Variants in LMO7 observed in about 807,000 individuals in gnomAD.
LMO7 encodes LIM domain 7, also known as LIM domain only protein 7.
A neutral mutation model predicts 206.5 loss-of-function variants in LMO7; 120 were observed. That is an observed-to-expected ratio of 0.58 (90% CI 0.50 to 0.68). The LOEUF is 0.68. Ranked by LOEUF, LMO7 falls within the 30% of genes least tolerant of loss-of-function variation. The pLI is 0.00. For synonymous variants in LMO7, 706 were observed against 681.5 expected (o/e 1.04, Z -0.56); for missense variants, 1,959 against 1,957.9 (o/e 1.00, Z -0.01).
chr13:75,720,215 G>A (rs934705597), intron 2 of LMO7, among the ~76,000 whole-genome samples: 1 of 152,010 alleles, frequency 6.6e-6, no homozygotes, highest in African/African-American at 2.4e-5. Context: ...AGAGTTCCTT[G>A]TATATTTTAG....
chr13:75,632,042 T>G (rs540679732), upstream of LMO7: 2 of 152,346 alleles, frequency 1.3e-5, no homozygotes, highest in Admixed American at 1.3e-4. Flanking sequence ...TCATCAGTAA[T>G]GCATCAATAC....
intron 1 of LMO7, among the ~76,000 whole-genome samples, chr13:75,673,841 G>T (rs903423900): frequency 2.6e-5 from 4 of 152,268 alleles, no homozygotes; most frequent in South Asian, 4.1e-4. Flanking sequence ...TCATAATCTT[G>T]TAACTGTTAC....
chr13:75,827,713 A>T (rs771145351), intron 15 of LMO7, among the ~76,000 whole-genome samples: 4 of 151,822 alleles, frequency 2.6e-5, no homozygotes, highest in Non-Finnish European at 5.9e-5. Context: ...GGTCTTGCCT[A>T]CAGGTTTCTG....
chr13:75,632,701 G>A (rs574249614), upstream of LMO7, among the ~76,000 whole-genome samples: 3 of 152,164 alleles, frequency 2.0e-5, no homozygotes. Context: ...TTTAAATAGT[G>A]TAATGTATGT....
chr13:75,816,262 C>T (rs1166572811), intron 11 of LMO7, among the ~76,000 whole-genome samples: 1 of 152,220 alleles, frequency 6.6e-6, no homozygotes, highest in South Asian at 2.1e-4. Flanking sequence ...TGTACAGTTA[C>T]TTAAAGTCAG....
At chr13:75,763,860 G>A (rs1296410750) in intron 4 of LMO7, among the ~76,000 whole-genome samples, 1 of 152,094 alleles carries the variant, frequency 6.6e-6, no homozygotes, top group African/African-American at 2.4e-5. Flanking sequence ...CAAGTAAAGA[G>A]CTGTTGTTAA....
At chr13:75,795,376 T>C in intron 4 of LMO7, 25 bp from the exon 5 acceptor site, 1 of 1,509,070 alleles carries the variant, frequency 6.6e-7, no homozygotes, top group Non-Finnish European at 9.1e-7. Context: ...GGATATTACC[T>C]AATAGATATT....
At chr13:75,735,060 T>C (rs2045664363) in intron 3 of LMO7, among the ~76,000 whole-genome samples, 1 of 149,718 alleles carries the variant, frequency 6.7e-6, no homozygotes, top group South Asian at 2.1e-4. Flanking sequence ...ATCACGCCAC[T>C]GAACTCCAGC....
intron 4 of LMO7, among the ~76,000 whole-genome samples, chr13:75,794,554 A>G (rs1391316571): frequency 6.6e-6 from 1 of 152,244 alleles, no homozygotes; most frequent in Non-Finnish European, 1.5e-5. Context: ...ATCTTAAAGT[A>G]TACTACTGTG....
rs1239816657 is a variant in LMO7 at position 75,819,449 on chromosome 13, A to G, written c.2121A>G (p.Lys707=). 3.1e-6 allele frequency: 5 copies of G among 1,613,330 alleles called. No homozygotes were observed. Among genetic ancestry groups the G allele is most frequent in the Non-Finnish European group, 4.2e-6 (5 of 1,179,820 alleles). The change falls in exon 13 of 31, where the codon AAA becomes AAG. Residue 707 remains lysine (K), a synonymous_variant. Coordinates refer to ENST00000377534, the MANE Select transcript of LMO7 (RefSeq NM_001306080.2). ...GTTACACTTCAGATCTGCAGAAGAA[A>G]AAAGAAGAGAGAGAAGAAATTGAAA... The part of the protein sequence containing the change: ...RKSYTSDLQK[K]KEEREEIEKQ...
chr13:75,667,094 C>T (rs2039140380), intron 1 of LMO7, among the ~76,000 whole-genome samples: 1 of 152,132 alleles, frequency 6.6e-6, no homozygotes, highest in Non-Finnish European at 1.5e-5. Flanking sequence ...TTATGTGCCA[C>T]TGTTTTCCAA....
intron 2 of LMO7, chr13:75,626,692 C>G (rs2034226362): frequency 6.6e-6 from 1 of 150,456 alleles, no homozygotes; most frequent in East Asian, 1.9e-4. Context: ...TCAAGCCATC[C>G]TCTCACCTCA....
intron 4 of LMO7, among the ~76,000 whole-genome samples, chr13:75,776,143 A>G (rs1389258588): frequency 2.2e-5 from 2 of 89,836 alleles, no homozygotes; most frequent in African/African-American, 6.8e-5. Context: ...ATATATATAT[A>G]TGCCATGTAT....
intron 1 of LMO7, among the ~76,000 whole-genome samples, chr13:75,681,913 G>A (rs1336783379): frequency 6.6e-6 from 1 of 151,722 alleles, no homozygotes. Flanking sequence ...TCCATTTGAA[G>A]GAGATTTGGG....
Position 75,841,835 on chromosome 13 carries a change from G to C in LMO7, c.3883G>C (p.Glu1295Gln). 1.2e-6 allele frequency: 2 copies of C among 1,614,128 alleles called. No homozygotes were observed. The highest frequency in any genetic ancestry group is 2.2e-5 in the South Asian group (2 of 91,070). ...KPQDQLVIER[E>Q]RKWEQQLQEE... ...GCAGGATCAGCTTGTTATTGAGAGA[G>C]AGAGGAAATGGGAGCAACAGCTTCA... is the stretch of plus-strand genomic sequence containing the variant. The change falls in exon 24 of 31, where the codon GAG (glutamate) becomes CAG (glutamine). Residue 1295 changes from glutamate to glutamine, a missense_variant. Coordinates refer to ENST00000377534, the MANE Select transcript of LMO7 (RefSeq NM_001306080.2).
At position 75,713,229 on chromosome 13, in the gene LMO7, A is replaced by G. The variant is rs1205946151; in HGVS notation, c.117A>G (p.Leu39=). Residue 39 remains leucine (L), a synonymous_variant, in exon 2 of 31, where the codon CTA becomes CTG. Transcript: ENST00000377534. ...NFETKDFRAS[L]ENGVLLCDLI... is the part of the protein sequence containing the mutation. ...AAACAAAAGATTTTCGAGCCTCTCTAGAAAATGGTGTTCTGCTGTGTGAGT... is the reference window on the plus strand; with the variant it reads ...AAACAAAAGATTTTCGAGCCTCTCTGGAAAATGGTGTTCTGCTGTGTGAGT... 4 of 1,611,076 alleles carry G rather than the reference A, an allele frequency of 2.5e-6. No individual in the cohort carries two copies. The African/African-American group carries it at 4.0e-5, about 16-fold the overall frequency.
intron 4 of LMO7, among the ~76,000 whole-genome samples, chr13:75,774,291 A>G (rs1175089980): frequency 1.3e-5 from 2 of 152,116 alleles, no homozygotes; most frequent in African/African-American, 4.8e-5. Flanking sequence ...ATATCATATA[A>G]GAGGAGCATA....
At chr13:75,687,752 A>G (rs1036824277) in intron 1 of LMO7, among the ~76,000 whole-genome samples, 1 of 152,220 alleles carries the variant, frequency 6.6e-6, no homozygotes, top group Non-Finnish European at 1.5e-5. Flanking sequence ...GTTTGTAAAG[A>G]CACCATCAGC....
In LMO7 at chr13:75,630,814, CTTT is replaced by C. The variant is rs201883927; in HGVS notation, c.225+7499_225+7501del. 8.4e-5 allele frequency among the ~76,000 whole-genome samples: 10 copies of C among 118,792 alleles called. No homozygotes were observed. The East Asian group carries it at 3.8e-3, about 45-fold the overall frequency. The allele number at this position is 118,792 out of a possible 152,430, so 77.9% of individuals were successfully genotyped here. On this transcript the variant is annotated intron_variant, in intron 2 of 29. Transcript: ENST00000341547. ...TTATACACTGCCTGTTTTCTTTTTT[CTTT>C]TTTTCTTTTTGTATTTTTAGTAGAG...
Sources: allele counts gnomAD v4.1 joint callset (sites outside exome capture counted in the v4.1 genomes callset), GRCh38; gene constraint gnomAD v4.1.1; transcripts MANE v1.5; gene names NCBI Gene and HGNC (gene_info 2026-07-23, HGNC 2026-07-21).